ATP9A: variants seen among roughly 807,000 people sequenced by gnomAD.
The protein encoded by ATP9A is probable phospholipid-transporting ATPase IIA.
In ATP9A, 52 loss-of-function variants were observed where a neutral mutation model predicts 144.1. The ratio of observed to expected loss-of-function variants is 0.36; its 90% confidence interval spans 0.29 to 0.45. ATP9A has a LOEUF of 0.45. Among genes scored for constraint, ATP9A ranks in the 20% least tolerant of loss-of-function variants. The pLI is 1.00. For synonymous variants in ATP9A, 582 were observed against 557.4 expected, an observed-to-expected ratio of 1.04 and a Z score of -0.62; for missense variants, 947 against 1,392.7, an observed-to-expected ratio of 0.68 and a Z score of 5.09.
At chr20:51,680,618 AT>A (rs1290516549) in intron 9 of ATP9A, among the ~76,000 whole-genome samples, 1 of 151,770 alleles carries the variant, frequency 6.6e-6, no homozygotes, top group African/African-American at 2.4e-5. Flanking sequence ...AAGCTTTTTT[AT>A]TTTTTTTCAA....
intron 4 of ATP9A, among the ~76,000 whole-genome samples, chr20:51,707,439 C>T (rs2077619282): frequency 6.6e-6 from 1 of 152,164 alleles, no homozygotes; most frequent in African/African-American, 2.4e-5. Flanking sequence ...TCCACACTGG[C>T]CTCTCTCCAC....
chr20:51,756,932 G>C (rs1417281141), intron 1 of ATP9A, among the ~76,000 whole-genome samples: 1 of 151,830 alleles, frequency 6.6e-6, no homozygotes, highest in Non-Finnish European at 1.5e-5. Context: ...TTTTTAAAAA[G>C]ACAGGATGAG....
chr20:51,714,587 T>C (rs6096540), intron 3 of ATP9A, among the ~76,000 whole-genome samples: 37,121 of 152,050 alleles, frequency 0.24, 4,874 homozygotes, highest in Non-Finnish European at 0.28. Flanking sequence ...AGGCTGGTCT[T>C]GAACTCCTGA....
At chr20:51,741,377 G>A (rs914450402) in intron 1 of ATP9A, among the ~76,000 whole-genome samples, 3 of 152,064 alleles carry the variant, frequency 2.0e-5, no homozygotes, top group African/African-American at 7.2e-5. Flanking sequence ...TCAGGGGATC[G>A]AGACCATCTG....
At position 51,718,814 on chromosome 20, in the gene ATP9A, C is replaced by CAAA. The variant is rs71192550; in HGVS notation, c.328-5743_328-5741dup. On this transcript the variant is annotated intron_variant, in intron 3 of 27. Transcript: ENST00000338821. ...TGGGCAACAGAGCAAGACTCCATCT[C>CAAA]AAAAAAAAAAAAAAAAAAAAAAAAA... is the stretch of plus-strand genomic sequence containing the variant. Among the ~76,000 whole-genome samples, 79 of 57,682 alleles carry CAAA rather than the reference C, an allele frequency of 1.4e-3. 5 individuals carry two copies. The highest frequency in any genetic ancestry group is 2.4e-3 in the African/African-American group (27 of 11,240). The allele number at this position is 57,682 out of a possible 152,430, so 37.8% of individuals were successfully genotyped here. A position where few individuals can be genotyped will look rare whatever the true frequency, so the allele number is the denominator to read the frequency against.
chr20:51,657,273 A>G, intron 13 of ATP9A, 123 bp from the exon 14 acceptor site: 1 of 692,074 alleles, frequency 1.4e-6, no homozygotes, highest in Admixed American at 3.0e-5. Context: ...ACCCTTAGAT[A>G]TATCTACAAT....
intron 1 of ATP9A, among the ~76,000 whole-genome samples, chr20:51,743,187 T>C (rs975396558): frequency 1.3e-5 from 2 of 152,180 alleles, no homozygotes; most frequent in African/African-American, 4.8e-5. Context: ...GCGTGTTGCA[T>C]GCATGGACTT....
Position 51,671,128 on chromosome 20 carries a change from G to A in ATP9A, c.1167C>T (p.Leu389=). 6.2e-7 allele frequency: 1 copy of A among 1,613,758 alleles called. No individual in the cohort carries two copies. Among genetic ancestry groups the A allele is most frequent in the South Asian group, 1.1e-5 (1 of 91,064 alleles). ...AAAGCAGCTCACCTGTCTTGTCTGT[G>A]AGTAAGTACGAAATCCTGCCCAGCT... ...PEQLGRISYL[L]TDKTGTLTQN... Residue 389 remains leucine (L), a synonymous_variant, in exon 12 of 28, where the codon CTC becomes CTT. Coordinates refer to ENST00000338821, the MANE Select transcript of ATP9A (RefSeq NM_006045.3).
At chr20:51,638,076 TATATATATATATATATATATATATA>T (rs2077301536) in intron 15 of ATP9A, among the ~76,000 whole-genome samples, 3 of 13,738 alleles carry the variant, frequency 2.2e-4, no homozygotes, top group Middle Eastern at 0.038. Context: ...TCATTTTATA[TATATATATATATATATATATATATA>T]TATATATATA....
At chr20:51,760,985 G>A (rs936059589) in intron 1 of ATP9A, among the ~76,000 whole-genome samples, 5 of 152,218 alleles carry the variant, frequency 3.3e-5, no homozygotes, top group Admixed American at 1.3e-4. Context: ...CCGAGACTGC[G>A]CCACTGCACT....
intron 4 of ATP9A, among the ~76,000 whole-genome samples, chr20:51,701,383 T>C (rs576186800): frequency 1.3e-4 from 20 of 152,290 alleles, no homozygotes; most frequent in African/African-American, 4.8e-4. Context: ...AAGCGTAAGG[T>C]TGCTTTCCTA....
chr20:51,712,331 C>A (rs940146232), intron 4 of ATP9A, among the ~76,000 whole-genome samples: 2 of 152,168 alleles, frequency 1.3e-5, no homozygotes, highest in African/African-American at 2.4e-5. Flanking sequence ...GCCTCGGCCT[C>A]CCAAAGTGCT....
intron 3 of ATP9A, among the ~76,000 whole-genome samples, chr20:51,723,563 C>CTTTT (rs753282602): frequency 5.3e-5 from 7 of 133,240 alleles, no homozygotes; most frequent in East Asian, 2.7e-4. Flanking sequence ...ACAGCAAATT[C>CTTTT]TTTTTTTTTT....
At chr20:51,706,395 A>G (rs1372389692) in intron 4 of ATP9A, among the ~76,000 whole-genome samples, 1 of 152,234 alleles carries the variant, frequency 6.6e-6, no homozygotes, top group Non-Finnish European at 1.5e-5. Flanking sequence ...CCTAGCAATG[A>G]GTGAGAGAAA....
chr20:51,629,042 T>G lies in ATP9A; in HGVS notation c.1699A>C (p.Met567Leu), dbSNP rs955126827. ...GCCATGACCACATCTGCTCCCTTCA[T>G]GTAAAACGTAATTTCTCCAGTTGAT... ...DESTGEITFY[M>L]KGADVVMAGI... Residue 567 changes from methionine (M) to leucine (L), a missense_variant, in exon 16 of 28, where the codon ATG becomes CTG. Physicochemically the swap from Met to Leu is conservative, Grantham distance 15 (BLOSUM62 2). This residue lies in a region of ATP9A where 770 missense variants were observed against 1,047.9 expected (regional missense o/e 0.73). Transcript: ENST00000338821. 11 of 1,614,008 alleles carry G rather than the reference T, an allele frequency of 6.8e-6. No homozygotes were observed. In the East Asian group the frequency reaches 2.5e-4, roughly 36 times the overall value.
chr20:51,757,675 T>A (rs754938400), intron 1 of ATP9A, among the ~76,000 whole-genome samples: 4 of 151,922 alleles, frequency 2.6e-5, no homozygotes. Context: ...CAGGCAGAGG[T>A]TGGCGGACTG....
intron 1 of ATP9A, among the ~76,000 whole-genome samples, chr20:51,741,991 T>TG (rs1447415576): frequency 6.6e-6 from 1 of 152,170 alleles, no homozygotes; most frequent in Non-Finnish European, 1.5e-5. Flanking sequence ...ATAAACTATT[T>TG]GTTTAAAATG....
intron 1 of ATP9A, among the ~76,000 whole-genome samples, chr20:51,731,045 C>T (rs745783459): frequency 1.3e-5 from 2 of 152,028 alleles, no homozygotes; most frequent in Non-Finnish European, 2.9e-5. Flanking sequence ...GTGGCTCATG[C>T]CTGTAATCCC....
At chr20:51,757,974 T>C (rs1055262186) in intron 1 of ATP9A, among the ~76,000 whole-genome samples, 1 of 152,076 alleles carries the variant, frequency 6.6e-6, no homozygotes, top group African/African-American at 2.4e-5. Flanking sequence ...AGCAGTAACA[T>C]TATGTGTTTA....
Sources: gnomAD v4.1 joint callset for allele counts (sites outside exome capture counted in the v4.1 genomes callset) on GRCh38, gnomAD v4.1.1 for gene constraint, gnomAD v4.1.1 regional missense constraint, MANE v1.5 for transcripts, NCBI Gene and HGNC (gene_info 2026-07-23, HGNC 2026-07-21) for gene names.